RAPGEF4: variants seen among roughly 807,000 people sequenced by gnomAD.
RAPGEF4 encodes RAP guanine-nucleotide-exchange factor (GEF) 4.
Under a neutral mutation model 147.9 loss-of-function variants are expected in RAPGEF4, and 66 were observed. The observed-to-expected ratio is 0.45, with a 90% CI of 0.37 to 0.55. The LOEUF (loss-of-function observed/expected upper bound fraction) is 0.55. RAPGEF4 is among the 20% of genes least tolerant of loss of function. The pLI, the probability that RAPGEF4 is intolerant of heterozygous loss-of-function variation, is 0.00. For synonymous variants in RAPGEF4, 419 were observed against 442.7 expected (o/e 0.95, Z 0.67); for missense variants, 1,071 against 1,257.3 (o/e 0.85, Z 2.24).
chr2:172,983,968 G>T (rs1691968717), intron 11 of RAPGEF4, among the ~76,000 whole-genome samples: 1 of 152,188 alleles, frequency 6.6e-6, no homozygotes, highest in Admixed American at 6.5e-5. Flanking sequence ...TAGATGACCT[G>T]TCTTGGCTTA....
intron 4 of RAPGEF4, among the ~76,000 whole-genome samples, chr2:172,818,584 C>G (rs1166258181): frequency 1.3e-5 from 2 of 152,040 alleles, no homozygotes; most frequent in Admixed American, 1.3e-4. Flanking sequence ...TCATGGCAGG[C>G]GCTCTTATGT....
intron 17 of RAPGEF4, among the ~76,000 whole-genome samples, chr2:173,003,193 T>G (rs903623482): frequency 1.3e-5 from 2 of 152,124 alleles, no homozygotes; most frequent in Admixed American, 6.5e-5. Context: ...AAGGGTTGAC[T>G]GAGAACATTC....
chr2:173,017,080 A>T lies in RAPGEF4; in HGVS notation c.1899-94A>T, dbSNP rs1684718391. ...CTCCTGAAAGGATTCTGTGATTGTG[A>T]TTTCATTTTCTAACATAAGATTAGT... On this transcript the variant is annotated intron_variant, in intron 19 of 30. Transcript: ENST00000397081. 24 of 1,241,268 alleles carry T rather than the reference A, an allele frequency of 1.9e-5. No individual in the cohort carries two copies. In the South Asian group the frequency reaches 2.9e-4, roughly 15 times the overall value. 76.9% of individuals were successfully genotyped at this position (1,241,268 alleles called of 1,614,324 possible). A position where few individuals can be genotyped will look rare whatever the true frequency, so the allele number is the denominator to read the frequency against.
At chr2:173,044,380 G>A (rs1012143671) in intron 29 of RAPGEF4, among the ~76,000 whole-genome samples, 4 of 152,264 alleles carry the variant, frequency 2.6e-5, no homozygotes, top group African/African-American at 9.6e-5. Context: ...ACCAAGGCTG[G>A]GAAAACAAAT....
chr2:172,787,502 T>C (rs1453805222), intron 1 of RAPGEF4, among the ~76,000 whole-genome samples: 1 of 152,080 alleles, frequency 6.6e-6, no homozygotes, highest in Non-Finnish European at 1.5e-5. Context: ...GAATACATAG[T>C]GATTCGAGGG....
chr2:172,855,435 A>G (rs549878688), intron 4 of RAPGEF4, among the ~76,000 whole-genome samples: 58 of 152,200 alleles, frequency 3.8e-4, no homozygotes, highest in Non-Finnish European at 6.5e-4. Context: ...GGTTGCCTGT[A>G]ATACAAGTAA....
In RAPGEF4 at chr2:172,855,734, T is replaced by C. The variant is rs79890251; in HGVS notation, c.444+41309T>C. 6.8e-3 allele frequency among the ~76,000 whole-genome samples: 1,036 copies of C among 152,326 alleles called. 13 individuals are homozygous for C. Among genetic ancestry groups the C allele is most frequent in the African/African-American group, 0.024 (988 of 41,572 alleles). On this transcript the variant is annotated intron_variant, in intron 4 of 30. Coordinates refer to ENST00000397081, the MANE Select transcript of RAPGEF4 (RefSeq NM_007023.4). ...TAGCTTGACAAATAGAATTCTAGCT[T>C]GACAAGTGTTGTTTTCCTGTTGGTA... is the stretch of plus-strand genomic sequence containing the variant.
intron 4 of RAPGEF4, among the ~76,000 whole-genome samples, chr2:172,870,661 A>G (rs1163870258): frequency 6.6e-6 from 1 of 152,126 alleles, no homozygotes; most frequent in Non-Finnish European, 1.5e-5. Flanking sequence ...GGGATGTTTC[A>G]GTTTGACCAT....
At chr2:172,977,966 C>T (rs1045433263) in intron 10 of RAPGEF4, among the ~76,000 whole-genome samples, 1 of 152,064 alleles carries the variant, frequency 6.6e-6, no homozygotes, top group African/African-American at 2.4e-5. Context: ...GGGTTTTGTT[C>T]TTGCTGTGCT....
At chr2:172,976,479 A>G (rs972821975) in intron 10 of RAPGEF4, among the ~76,000 whole-genome samples, 1 of 152,234 alleles carries the variant, frequency 6.6e-6, no homozygotes, top group Non-Finnish European at 1.5e-5. Context: ...TAAAAGTTAG[A>G]GAATCAGGTG....
intron 4 of RAPGEF4, among the ~76,000 whole-genome samples, chr2:172,869,053 C>G (rs1694940163): frequency 6.6e-6 from 1 of 152,134 alleles, no homozygotes; most frequent in Non-Finnish European, 1.5e-5. Flanking sequence ...GTATCTGGAG[C>G]CAACTAGAAT....
At chr2:172,806,584 G>C (rs1367894834) in intron 3 of RAPGEF4, among the ~76,000 whole-genome samples, 2 of 152,200 alleles carry the variant, frequency 1.3e-5, no homozygotes, top group African/African-American at 4.8e-5. Flanking sequence ...TGACTGCAAT[G>C]CTGTTGTTTT....
chr2:172,857,624 A>G (rs1447217973), intron 4 of RAPGEF4, among the ~76,000 whole-genome samples: 2 of 152,148 alleles, frequency 1.3e-5, no homozygotes, highest in African/African-American at 4.8e-5. Flanking sequence ...TGTCATGTCC[A>G]TAATCCCAGC....
At chr2:172,887,368 T>A (rs1272214176) in intron 4 of RAPGEF4, among the ~76,000 whole-genome samples, 1 of 152,152 alleles carries the variant, frequency 6.6e-6, no homozygotes, top group East Asian at 1.9e-4. Context: ...TTAAAAAAAA[T>A]TTAACATTTT....
intron 1 of RAPGEF4, among the ~76,000 whole-genome samples, chr2:172,784,236 G>A (rs1480461434): frequency 6.6e-6 from 1 of 152,110 alleles, no homozygotes; most frequent in African/African-American, 2.4e-5. Context: ...AATGATTCCT[G>A]AGCCTGGAGC....
At chr2:172,877,991 G>A (rs1279666728) in intron 4 of RAPGEF4, among the ~76,000 whole-genome samples, 1 of 152,214 alleles carries the variant, frequency 6.6e-6, no homozygotes, top group Non-Finnish European at 1.5e-5. Flanking sequence ...AACTTTGTCT[G>A]TGACCCCTCC....
chr2:172,888,066 G>A lies in RAPGEF4; in HGVS notation c.445-29736G>A, dbSNP rs1697451375. Among the ~76,000 whole-genome samples the A allele has an allele frequency of 2.6e-5, 4 of 152,094 alleles. No individual in the cohort carries two copies. The South Asian group carries it at 6.2e-4, about 24-fold the overall frequency. On this transcript the variant is annotated intron_variant, in intron 4 of 30. Transcript: ENST00000397081. ...CTTTATTTAATTCTGCATCTTCCGTGCATCCGTCCAGGAGCCTGGAACCAA... is the reference window on the plus strand; with the variant it reads ...CTTTATTTAATTCTGCATCTTCCGTACATCCGTCCAGGAGCCTGGAACCAA...
intron 16 of RAPGEF4, among the ~76,000 whole-genome samples, chr2:173,000,471 T>C (rs754590282): frequency 2.0e-5 from 3 of 152,118 alleles, no homozygotes; most frequent in Admixed American, 6.5e-5. Context: ...AGTCCTGAGG[T>C]TTTTAGGTTT....
At chr2:172,988,005 TTCTC>T (rs946429865) in intron 12 of RAPGEF4, among the ~76,000 whole-genome samples, 187 bp from the exon 13 acceptor site, 2 of 152,258 alleles carry the variant, frequency 1.3e-5, no homozygotes, top group Non-Finnish European at 2.9e-5. Flanking sequence ...AATGCAGTGT[TTCTC>T]TTTCTTTTGT....
Sources: allele counts gnomAD v4.1 joint callset (sites outside exome capture counted in the v4.1 genomes callset), GRCh38; gene constraint gnomAD v4.1.1; transcripts MANE v1.5; gene names NCBI Gene and HGNC (gene_info 2026-07-23, HGNC 2026-07-21).